The following SOX5 variants were observed in gnomAD, a reference collection of about 807,000 sequenced individuals.
The protein encoded by SOX5 is SRY-box transcription factor 5.
SOX5 carries 9 observed loss-of-function variants against 92.0 expected under a neutral mutation model. The ratio of observed to expected loss-of-function variants is 0.10; its 90% CI spans 0.06 to 0.17. SOX5 has a LOEUF of 0.17. Ranked by LOEUF, SOX5 falls within the 10% of genes least tolerant of loss-of-function variation. The pLI, the probability that SOX5 is intolerant of heterozygous loss-of-function variation, is 1.00. For missense variants in SOX5, 642 were observed against 944.5 expected, an observed-to-expected ratio of 0.68 and a Z score of 4.20; for synonymous variants, 344 against 336.3, an observed-to-expected ratio of 1.02 and a Z score of -0.25.
intron 1 of SOX5, among the ~76,000 whole-genome samples, chr12:24,477,829 G>C (rs1945563209): frequency 6.6e-6 from 1 of 151,864 alleles, no homozygotes; most frequent in Non-Finnish European, 1.5e-5. Context: ...TTAGATAGAA[G>C]TATTAATCAT....
rs78728671 is a variant in SOX5 at position 24,077,518 on chromosome 12, G to A, written c.-2+135825C>T. On this transcript the variant is annotated intron_variant, in intron 4 of 4. Transcript: ENST00000446891. ...GCAGCCAACAGTTAACTGTTGGAGA[G>A]TTGCTTAAAACGATCAAACCCTTAC... Among the ~76,000 whole-genome samples the A allele has an allele frequency of 7.5e-3, 1,141 of 151,914 alleles. 15 individuals carry two copies. Among genetic ancestry groups the A allele is most frequent in the African/African-American group, 0.026 (1,080 of 41,408 alleles).
At chr12:23,671,110 G>C (rs930302534) in intron 6 of SOX5, among the ~76,000 whole-genome samples, 1 of 152,104 alleles carries the variant, frequency 6.6e-6, no homozygotes, top group Admixed American at 6.6e-5. Flanking sequence ...AGGAATCAAA[G>C]AACTGGAAGA....
chr12:24,068,385 T>C (rs934458246), intron 4 of SOX5, among the ~76,000 whole-genome samples: 9 of 151,960 alleles, frequency 5.9e-5, no homozygotes, highest in African/African-American at 2.2e-4. Context: ...TAAAGAGCAA[T>C]GTAAAGCATT....
chr12:24,235,790 T>A (rs182131404), intron 3 of SOX5, among the ~76,000 whole-genome samples: 26 of 152,328 alleles, frequency 1.7e-4, no homozygotes, highest in Admixed American at 1.4e-3. Context: ...ACAATTAAAA[T>A]TTTTTTAAAT....
At chr12:23,629,029 C>T (rs2078197458) in intron 8 of SOX5, among the ~76,000 whole-genome samples, 1 of 151,946 alleles carries the variant, frequency 6.6e-6, no homozygotes, top group Admixed American at 6.6e-5. Flanking sequence ...GTCAACAAGA[C>T]TTGTGATGTA....
At chr12:24,355,891 G>C (rs1249022894) in intron 2 of SOX5, among the ~76,000 whole-genome samples, 1 of 152,080 alleles carries the variant, frequency 6.6e-6, no homozygotes, top group South Asian at 2.1e-4. Context: ...TAGAAATTTA[G>C]AATAGTTTAG....
intron 4 of SOX5, among the ~76,000 whole-genome samples, chr12:23,992,962 T>C (rs1384279471): frequency 6.6e-6 from 1 of 152,166 alleles, no homozygotes. Flanking sequence ...AAAATAATTA[T>C]AGTATGTGAC....
In SOX5 at chr12:24,542,949, C is replaced by A. The variant is rs189866204; in HGVS notation, c.-251+19380G>T. 2.3e-3 allele frequency among the ~76,000 whole-genome samples: 348 copies of A among 152,344 alleles called. 3 individuals carry two copies. Among genetic ancestry groups the A allele is most frequent in the Non-Finnish European group, 2.3e-3 (159 of 68,036 alleles). On this transcript the variant is annotated intron_variant, in intron 1 of 4. Transcript: ENST00000446891. The stretch of plus-strand genomic sequence containing the variant: ...CTTACCCAAGAAGATAATGAGTCTT[C>A]ACTCAGGACACCCATACTTAAGTCT...
intron 1 of SOX5, among the ~76,000 whole-genome samples, chr12:23,925,788 C>T (rs899134138): frequency 6.6e-6 from 1 of 152,028 alleles, no homozygotes; most frequent in Non-Finnish European, 1.5e-5. Flanking sequence ...TAGAAACAAA[C>T]TAACAAAAGT....
intron 1 of SOX5, among the ~76,000 whole-genome samples, chr12:24,465,398 T>G (rs1457565680): frequency 6.6e-6 from 1 of 152,270 alleles, no homozygotes; most frequent in Admixed American, 6.5e-5. Context: ...TTGTATTATA[T>G]GCAATTTAAG....
intron 7 of SOX5, among the ~76,000 whole-genome samples, chr12:23,657,284 AT>A (rs1300067745): frequency 2.6e-5 from 4 of 152,182 alleles, no homozygotes; most frequent in African/African-American, 9.6e-5. Context: ...GAAGTAAAAA[AT>A]ATTCTTTCAT....
At chr12:23,545,364 G>A (rs1048655290) in intron 12 of SOX5, among the ~76,000 whole-genome samples, 3 of 152,130 alleles carry the variant, frequency 2.0e-5, no homozygotes, top group East Asian at 1.9e-4. Context: ...AGATGTTCCC[G>A]GTCAGGGTAT....
intron 10 of SOX5, among the ~76,000 whole-genome samples, chr12:23,569,244 A>G (rs1947715737): frequency 6.6e-6 from 1 of 152,208 alleles, no homozygotes; most frequent in Non-Finnish European, 1.5e-5. Flanking sequence ...TATTTAAAAA[A>G]ATTGATGTCA....
chr12:24,166,864 G>C (rs1047215956), intron 4 of SOX5, among the ~76,000 whole-genome samples: 7 of 151,870 alleles, frequency 4.6e-5, no homozygotes, highest in African/African-American at 1.7e-4. Flanking sequence ...TCACCTCTTT[G>C]AGCACATAAG....
intron 2 of SOX5, among the ~76,000 whole-genome samples, chr12:24,346,086 T>C (rs1215608991): frequency 6.6e-6 from 1 of 152,240 alleles, no homozygotes; most frequent in Non-Finnish European, 1.5e-5. Flanking sequence ...CCGTTAAGAA[T>C]GTATTTCTGC....
chr12:24,084,719 T>C (rs1450925560), intron 4 of SOX5, among the ~76,000 whole-genome samples: 1 of 152,020 alleles, frequency 6.6e-6, no homozygotes, highest in Non-Finnish European at 1.5e-5. Flanking sequence ...TTTCTAATCA[T>C]CTTCTCCCTC....
At chr12:24,212,192 T>C (rs1958693651) in intron 4 of SOX5, among the ~76,000 whole-genome samples, 1 of 152,180 alleles carries the variant, frequency 6.6e-6, no homozygotes, top group Non-Finnish European at 1.5e-5. Context: ...TTATCTTCCC[T>C]TTAAGCGGGT....
intron 2 of SOX5, among the ~76,000 whole-genome samples, chr12:23,850,559 T>C (rs574590471): frequency 1.9e-4 from 29 of 151,766 alleles, no homozygotes; most frequent in Admixed American, 5.2e-4. Context: ...TTAAATTCCA[T>C]CAAAAGAGGA....
At chr12:24,389,101 C>A (rs1958714449) in intron 1 of SOX5, among the ~76,000 whole-genome samples, 1 of 151,738 alleles carries the variant, frequency 6.6e-6, no homozygotes, top group Admixed American at 6.6e-5. Context: ...AGCTATCCCT[C>A]CCCCCTCCTC....
Sources: gnomAD v4.1 joint callset for allele counts (sites outside exome capture counted in the v4.1 genomes callset) on GRCh38, gnomAD v4.1.1 for gene constraint, MANE v1.5 for transcripts, NCBI Gene and HGNC (gene_info 2026-07-23, HGNC 2026-07-21) for gene names.